Variants in ADGB observed in about 807,000 individuals in gnomAD.
ADGB encodes calpain-7-like protein.
ADGB carries 172 observed loss-of-function variants against 210.5 expected under a neutral mutation model. The observed-to-expected ratio is 0.82, with a 90% CI of 0.72 to 0.93. The LOEUF is 0.93. Among genes scored for constraint, ADGB ranks in the 40% least tolerant of loss-of-function variants. The pLI, the probability that ADGB is intolerant of heterozygous loss-of-function variation, is 0.00. For missense variants in ADGB, 2,025 were observed against 1,964.8 expected (o/e 1.03, Z -0.58); for synonymous variants, 658 against 662.7 (o/e 0.99, Z 0.11).
intron 16 of ADGB, among the ~76,000 whole-genome samples, chr6:146,718,789 C>G (rs1324360452): frequency 6.6e-6 from 1 of 152,164 alleles, no homozygotes; most frequent in Non-Finnish European, 1.5e-5. Flanking sequence ...TGAAAACGGG[C>G]AGAGAAAACC....
chr6:146,661,565 C>T (rs1435766940), intron 5 of ADGB, among the ~76,000 whole-genome samples: 1 of 151,260 alleles, frequency 6.6e-6, no homozygotes, highest in East Asian at 1.9e-4. Flanking sequence ...TTGAAAACTT[C>T]ATCATAAATT....
intron 25 of ADGB, among the ~76,000 whole-genome samples, chr6:146,744,921 A>G (rs1232260797): frequency 6.6e-6 from 1 of 152,182 alleles, no homozygotes; most frequent in African/African-American, 2.4e-5. Context: ...TCAGTAGTAC[A>G]ATGAACTCAA....
intron 13 of ADGB, among the ~76,000 whole-genome samples, chr6:146,714,517 G>A (rs954240651): frequency 6.6e-6 from 1 of 152,148 alleles, no homozygotes; most frequent in Non-Finnish European, 1.5e-5. Context: ...GAGTATCTGT[G>A]AGTTCAGATT....
At chr6:146,746,631 G>GT (rs1246675614) in intron 26 of ADGB, among the ~76,000 whole-genome samples, 5 of 152,024 alleles carry the variant, frequency 3.3e-5, no homozygotes, top group Non-Finnish European at 2.9e-5. Flanking sequence ...CACTTAATCA[G>GT]TTTTTTCTCA....
chr6:146,620,258 C>T (rs528154483), intron 1 of ADGB, among the ~76,000 whole-genome samples: 19 of 152,182 alleles, frequency 1.2e-4, no homozygotes, highest in Non-Finnish European at 2.2e-4. Flanking sequence ...AATCCCTCTT[C>T]GGGTTGAATT....
chr6:146,640,397 C>T (rs1285396539), intron 2 of ADGB, among the ~76,000 whole-genome samples: 1 of 151,964 alleles, frequency 6.6e-6, no homozygotes, highest in East Asian at 1.9e-4. Flanking sequence ...GGGACTCCTC[C>T]CCAAGTGATT....
Position 146,738,438 on chromosome 6 carries a change from CTTTTTTTTT to C in ADGB, c.2888+1869_2888+1877del, listed in dbSNP as rs71031008. Among the ~76,000 whole-genome samples the C allele has an allele frequency of 5.1e-3, 366 of 71,386 alleles. 5 individuals carry two copies. The highest frequency in any genetic ancestry group is 0.017 in the African/African-American group (340 of 20,380). The allele number at this position is 71,386 out of a possible 152,430, so 46.8% of individuals were successfully genotyped here. A position where few individuals can be genotyped will look rare whatever the true frequency, so the allele number is the denominator to read the frequency against. On this transcript the variant is annotated intron_variant, in intron 23 of 35. Transcript: ENST00000397944. ...GAATCCCATTCGAATCCCATTTCAT[CTTTTTTTTT>C]TTTTTTTTTTTTTTTTTTTTTAGAT... is the stretch of plus-strand genomic sequence containing the variant.
At chr6:146,648,651 T>C (rs1775655601) in intron 3 of ADGB, among the ~76,000 whole-genome samples, 1 of 151,986 alleles carries the variant, frequency 6.6e-6, no homozygotes, top group Non-Finnish European at 1.5e-5. Context: ...CATGATCCAA[T>C]CACCTTCCAA....
Position 146,788,514 on chromosome 6 carries a change from T to A in ADGB, c.4441T>A (p.Leu1481Met). 1 of 1,551,564 alleles carries A rather than the reference T, an allele frequency of 6.4e-7. No homozygotes were observed. Among genetic ancestry groups the A allele is most frequent in the Non-Finnish European group, 8.7e-7 (1 of 1,146,912 alleles). The change falls in exon 33 of 36, where the codon TTG (leucine) becomes ATG (methionine). Residue 1481 changes from leucine (L) to methionine (M), a missense_variant. By Grantham distance (15) the Leu-to-Met change is conservative. Transcript: ENST00000397944. ...VWKKWQLTKG[L>M]RDVAKSTSSE... ...GAAGAAGTGGCAATTGACCAAAGGC[T>A]TGAGGGATGTGGCAAAATCCACGAG...
chr6:146,693,689 T>TGGATAG (rs1254206693), intron 12 of ADGB, among the ~76,000 whole-genome samples: 2 of 152,134 alleles, frequency 1.3e-5, no homozygotes, highest in Non-Finnish European at 2.9e-5. Context: ...GGCTGAGAAT[T>TGGATAG]GTCCAAATCT....
At position 146,815,284 on chromosome 6, in the gene ADGB, C is replaced by A; in HGVS notation, c.*67C>A. 3 of 1,244,444 alleles carry A rather than the reference C, an allele frequency of 2.4e-6. No individual in the cohort carries two copies. Among genetic ancestry groups the A allele is most frequent in the Non-Finnish European group, 3.2e-6 (3 of 943,702 alleles). 77.1% of individuals were successfully genotyped at this position (1,244,444 alleles called of 1,614,324 possible). Reference sequence around the variant, plus strand: ...ATCTATTTGTAATGATCTTTAACTGCCTGCTGTTAAGATATTAGGCCAAAT... The same window carrying A: ...ATCTATTTGTAATGATCTTTAACTGACTGCTGTTAAGATATTAGGCCAAAT... On this transcript the variant is annotated 3_prime_UTR_variant, in exon 36 of 36. Coordinates refer to ENST00000397944, the MANE Select transcript of ADGB (RefSeq NM_024694.4).
chr6:146,679,841 GAATA>G (rs1267901000), intron 9 of ADGB, among the ~76,000 whole-genome samples: 1 of 152,150 alleles, frequency 6.6e-6, no homozygotes, highest in East Asian at 1.9e-4. Flanking sequence ...CTATAAGAAT[GAATA>G]AATCATACCC....
chr6:146,640,533 T>A (rs1206440196), intron 2 of ADGB, among the ~76,000 whole-genome samples: 1 of 152,056 alleles, frequency 6.6e-6, no homozygotes, highest in Non-Finnish European at 1.5e-5. Flanking sequence ...GCAAATTGAA[T>A]CCAGCAGCAC....
intron 10 of ADGB, among the ~76,000 whole-genome samples, chr6:146,689,864 T>A (rs1209852537): frequency 2.0e-5 from 3 of 152,136 alleles, no homozygotes; most frequent in Non-Finnish European, 4.4e-5. Context: ...AGAACATCTA[T>A]GAAAAAGTTT....
At chr6:146,652,230 A>G (rs1302726922) in intron 3 of ADGB, among the ~76,000 whole-genome samples, 1 of 152,232 alleles carries the variant, frequency 6.6e-6, no homozygotes, top group Non-Finnish European at 1.5e-5. Flanking sequence ...ATCAAGACTA[A>G]TACTTCAAAC....
In ADGB at chr6:146,654,148, T is replaced by A; in HGVS notation, c.344T>A (p.Val115Glu). 6.5e-7 allele frequency: 1 copy of A among 1,539,394 alleles called. No individual in the cohort carries two copies. Among genetic ancestry groups the A allele is most frequent in the Non-Finnish European group, 8.8e-7 (1 of 1,137,830 alleles). Residue 115 changes from valine (V) to glutamate (E), a missense_variant, in exon 4 of 36, where the codon GTG becomes GAG. Coordinates refer to ENST00000397944, the MANE Select transcript of ADGB (RefSeq NM_024694.4). ...TATTTTTTTCAGACTCCAGTAGTTG[T>A]GAAAAATGAAATCACGTTTGACTTA... Reference protein sequence around the residue: ...DILFSQTPVVVKNEITFDLFS... With the variant: ...DILFSQTPVVEKNEITFDLFS...
intron 9 of ADGB, among the ~76,000 whole-genome samples, chr6:146,676,646 C>T (rs771219241): frequency 3.3e-5 from 5 of 152,160 alleles, no homozygotes; most frequent in Non-Finnish European, 7.4e-5. Flanking sequence ...AATTACAGTG[C>T]AATTGTCACA....
At chr6:146,603,261 T>C (rs1780585917) in intron 1 of ADGB, among the ~76,000 whole-genome samples, 1 of 152,236 alleles carries the variant, frequency 6.6e-6, no homozygotes, top group Non-Finnish European at 1.5e-5. Context: ...TAATAAGTGC[T>C]ACAAAGATTC....
chr6:146,629,409 G>A (rs936390124), intron 1 of ADGB, among the ~76,000 whole-genome samples: 9 of 152,076 alleles, frequency 5.9e-5, no homozygotes, highest in Non-Finnish European at 1.3e-4. Context: ...CCTCTAATGA[G>A]AGTCTTTTTA....
Sources: gnomAD v4.1 joint callset for allele counts (sites outside exome capture counted in the v4.1 genomes callset) on GRCh38, gnomAD v4.1.1 for gene constraint, MANE v1.5 for transcripts, NCBI Gene and HGNC (gene_info 2026-07-23, HGNC 2026-07-21) for gene names.